BLCAP: variants seen among roughly 807,000 people sequenced by gnomAD.
BLCAP encodes BLCAP apoptosis inducing factor.
Under a neutral mutation model 5.7 loss-of-function variants are expected in BLCAP, and 1 was observed. The ratio of observed to expected loss-of-function variants is 0.18; its 90% CI spans 0.06 to 0.83. BLCAP has a LOEUF of 0.83. Among genes scored for constraint, BLCAP ranks in the 40% least tolerant of loss-of-function variants. The pLI, the probability that BLCAP is intolerant of heterozygous loss-of-function variation, is 0.71. For synonymous variants in BLCAP, 48 were observed against 49.4 expected (o/e 0.97, Z 0.11); for missense variants, 66 against 107.6 (o/e 0.61, Z 1.71).
Position 37,518,976 on chromosome 20 carries a change from G to A in BLCAP, c.199C>T (p.Leu67=), listed in dbSNP as rs999961136. 6.2e-7 allele frequency: 1 copy of A among 1,614,012 alleles called. No homozygotes were observed. The highest frequency in any genetic ancestry group is 1.3e-5 in the African/African-American group (1 of 74,940). ...ICYSCWGNCF[L]YHCSDSPLPE... ...AGCGGGGAATCGGAGCAGTGGTACA[G>A]GAAACAGTTTCCCCAGCAGCTATAG... Residue 67 remains leucine, a synonymous_variant, in exon 2 of 2, where the codon CTG becomes TTG. Transcript: ENST00000373537.
intron 1 of BLCAP, among the ~76,000 whole-genome samples, chr20:37,526,010 GTTTAGGTACCATGACT>G (rs930582829): frequency 5.3e-5 from 8 of 152,156 alleles, no homozygotes; most frequent in South Asian, 2.1e-4. Flanking sequence ...GTCCAGAGGT[GTTTAGGTACCATGACT>G]TTTAGGGGTG....
chr20:37,518,917 G>A lies in BLCAP; in HGVS notation c.258C>T (p.Gly86=), dbSNP rs903310889. Residue 86 remains glycine, a synonymous_variant, in exon 2 of 2, where the codon GGC becomes GGT. Transcript: ENST00000373537. The part of the protein sequence containing the change: ...PESAHDPGVV[G]T Reference sequence around the variant, plus strand: ...AAGCTAACAGGGCAGGCCGTTAGGTGCCCACAACGCCGGGATCATGCGCCG... The same window carrying A: ...AAGCTAACAGGGCAGGCCGTTAGGTACCCACAACGCCGGGATCATGCGCCG... 3.1e-6 allele frequency: 5 copies of A among 1,613,998 alleles called. No homozygotes were observed. The highest frequency in any genetic ancestry group is 2.7e-5 in the African/African-American group (2 of 74,942).
rs143243891 is a variant in BLCAP at position 37,520,032 on chromosome 20, T to C, written c.-176-682A>G. Among the ~76,000 whole-genome samples the C allele has an allele frequency of 3.4e-3, 521 of 152,370 alleles. 2 individuals are homozygous for C. Among genetic ancestry groups the C allele is most frequent in the African/African-American group, 0.012 (492 of 41,592 alleles). ...AGTCAATGTAGAAAAAAAGTCACTA[T>C]GCTACTTTGTCCAAACTGAACTCGT... is the stretch of plus-strand genomic sequence containing the variant. On this transcript the variant is annotated intron_variant, in intron 1 of 1. Coordinates refer to ENST00000373537, the MANE Select transcript of BLCAP (RefSeq NM_006698.4).
At chr20:37,523,405 C>T (rs539585017) in intron 1 of BLCAP, 2 of 152,676 alleles carry the variant, frequency 1.3e-5, no homozygotes, top group Non-Finnish European at 2.9e-5. Context: ...TGATTTGGAA[C>T]TATTCAAGCA....
rs575548145 is a variant in BLCAP, at chr20:37,521,188, A to T, written c.-176-1838T>A. On this transcript the variant is annotated intron_variant, in intron 1 of 1. Coordinates refer to ENST00000373537, the MANE Select transcript of BLCAP (RefSeq NM_006698.4). This position sits in a 1 kb window ranked among gnomAD's most constrained non-coding sequence, Gnocchi z 4.5. ...CACCCCTCCTCATAAACACCCCCCA[A>T]GGCGCGCATGCGCACTTAGGTGGCG... The T allele has an allele frequency of 2.6e-6, 2 of 783,636 alleles. No individual in the cohort carries two copies. The highest frequency in any genetic ancestry group is 1.9e-5 in the Admixed American group (1 of 51,724). The allele number at this position is 783,636 out of a possible 1,614,324, so 48.5% of individuals were successfully genotyped here. A position where few individuals can be genotyped will look rare whatever the true frequency, so the allele number is the denominator to read the frequency against.
At chr20:37,525,582 G>A (rs1476454731) in intron 1 of BLCAP, among the ~76,000 whole-genome samples, 1 of 152,162 alleles carries the variant, frequency 6.6e-6, no homozygotes, top group Non-Finnish European at 1.5e-5. Context: ...CTCCCCATTT[G>A]CATCCTCCAC....
intron 1 of BLCAP, chr20:37,522,906 A>G (rs1283995596): frequency 1.6e-6 from 1 of 630,014 alleles, no homozygotes; most frequent in Non-Finnish European, 2.7e-6. Context: ...AGGGGCCAGT[A>G]GACCCCCGGA....
In BLCAP at chr20:37,523,069, C is replaced by T. The variant is rs2071645364; in HGVS notation, c.-176-3719G>A. On this transcript the variant is annotated intron_variant, in intron 1 of 1. Transcript: ENST00000373537. ...CACCGCATTCTGATCTGGACAAAGT[C>T]GGGACAGCACCATCCCAGCCCCGAA... The T allele has an allele frequency of 1.9e-5, 6 of 319,774 alleles. No individual in the cohort carries two copies. In the East Asian group the frequency reaches 2.1e-4, roughly 11 times the overall value. The allele number at this position is 319,774 out of a possible 1,614,324, so 19.8% of individuals were successfully genotyped here.
rs778110848 is a variant in BLCAP at position 37,521,368 on chromosome 20, A to G, written c.-176-2018T>C. 15 of 1,614,068 alleles carry G rather than the reference A, an allele frequency of 9.3e-6. No homozygotes were observed. Among genetic ancestry groups the G allele is most frequent in the Non-Finnish European group, 1.3e-5 (15 of 1,179,956 alleles). On this transcript the variant is annotated intron_variant, in intron 1 of 1. Transcript: ENST00000373537. This position sits in a 1 kb window ranked among gnomAD's most constrained non-coding sequence, Gnocchi z 4.5. ...GGCGGCGGCCTCGGCTGAACTGCTC[A>G]TCATCGGCTGGTACATCTTCCGCGT...
Position 37,522,520 on chromosome 20 carries a change from G to A in BLCAP, c.-176-3170C>T, listed in dbSNP as rs945555567. 8.8e-6 allele frequency: 13 copies of A among 1,477,188 alleles called. 1 individual carries two copies. In the South Asian group the frequency reaches 1.3e-4, roughly 15 times the overall value. 91.5% of individuals were successfully genotyped at this position (1,477,188 alleles called of 1,614,324 possible). ...GGAAAAGCTCCAGCTGCCCTGACTC[G>A]TGGACAAGCTGCGCCCGCGCCCGCC... On this transcript the variant is annotated intron_variant, in intron 1 of 1. Coordinates refer to ENST00000373537, the MANE Select transcript of BLCAP (RefSeq NM_006698.4).
At chr20:37,522,343 C>T (rs774214122) in intron 1 of BLCAP, 2 of 1,610,690 alleles carry the variant, frequency 1.2e-6, no homozygotes, top group Non-Finnish European at 1.7e-6. Flanking sequence ...AAAGGAATCG[C>T]ATATTTCCTT....
At chr20:37,520,640 C>T (rs545815297) in intron 1 of BLCAP, 12 of 152,526 alleles carry the variant, frequency 7.9e-5, no homozygotes, top group Non-Finnish European at 1.2e-4. Flanking sequence ...TGGCTCAGCT[C>T]CCTACAGTAG....
intron 1 of BLCAP, 57 bp from the exon 2 acceptor site, chr20:37,519,407 A>G (rs892930766): frequency 3.8e-6 from 1 of 265,968 alleles, no homozygotes; most frequent in African/African-American, 2.9e-5. Flanking sequence ...AGACAGACAA[A>G]AAAAAAAAAA....
intron 1 of BLCAP, chr20:37,520,202 C>CGAAA: frequency 6.6e-6 from 1 of 152,270 alleles, no homozygotes; most frequent in Non-Finnish European, 1.5e-5. Context: ...GAGGTGCTTT[C>CGAAA]GGCTGGCTAC....
At chr20:37,526,199 A>G (rs1199998519) in intron 1 of BLCAP, among the ~76,000 whole-genome samples, 2 of 152,012 alleles carry the variant, frequency 1.3e-5, no homozygotes, top group African/African-American at 4.8e-5. Context: ...CATTTACTAG[A>G]TATCTATTTT....
chr20:37,522,714 C>G lies in BLCAP; in HGVS notation c.-176-3364G>C. 3.1e-6 allele frequency: 5 copies of G among 1,611,934 alleles called. No individual in the cohort carries two copies. In the Middle Eastern group the frequency reaches 5.6e-4, roughly 181 times the overall value. On this transcript the variant is annotated intron_variant, in intron 1 of 1. Transcript: ENST00000373537. ...AGCTGGCATACACGGTGTCGCGGAC[C>G]GGGCGGCAGGTGTTGGGGGAGCGCA...
At position 37,521,467 on chromosome 20, in the gene BLCAP, C is replaced by A. The variant is rs2071569043; in HGVS notation, c.-176-2117G>T. The stretch of plus-strand genomic sequence containing the variant: ...ACTCGCGCCCCTAGAACCCGCAAGA[C>A]TGCGTCGCGATTGCCGCTTCCCGGA... On this transcript the variant is annotated intron_variant, in intron 1 of 1. Transcript: ENST00000373537. The surrounding 1 kb of genome is among the most constrained non-coding windows in gnomAD (Gnocchi z 4.5). 6.6e-7 allele frequency: 1 copy of A among 1,510,528 alleles called. No homozygotes were observed. Among genetic ancestry groups the A allele is most frequent in the African/African-American group, 1.4e-5 (1 of 73,028 alleles). The allele number at this position is 1,510,528 out of a possible 1,614,324, so 93.6% of individuals were successfully genotyped here.
chr20:37,527,457 CT>C (rs1173841719), intron 1 of BLCAP: 1 of 151,644 alleles, frequency 6.6e-6, no homozygotes, highest in Non-Finnish European at 1.5e-5. Context: ...GAACCCGGGG[CT>C]GCAGAGATGG....
chr20:37,523,726 T>G (rs918273902), intron 1 of BLCAP: 14 of 152,570 alleles, frequency 9.2e-5, no homozygotes, highest in African/African-American at 3.1e-4. Flanking sequence ...GGCATCAACA[T>G]ACACTTCTAA....
Sources: allele counts gnomAD v4.1 joint callset (sites outside exome capture counted in the v4.1 genomes callset), GRCh38; gene constraint gnomAD v4.1.1; non-coding constraint Gnocchi (gnomAD v3.1); transcripts MANE v1.5; gene names NCBI Gene and HGNC (gene_info 2026-07-23, HGNC 2026-07-21).